Variants in CEMIP2 observed in about 807,000 individuals in gnomAD.
CEMIP2 encodes cell migration inducing hyaluronidase 2.
Under a neutral mutation model 146.9 loss-of-function variants are expected in CEMIP2, and 79 were observed. The ratio of observed to expected loss-of-function variants is 0.54; its 90% CI spans 0.45 to 0.65. CEMIP2 has a LOEUF of 0.65. Among genes scored for constraint, CEMIP2 ranks in the 30% least tolerant of loss-of-function variants. The pLI is 0.00. For missense variants in CEMIP2, 1,596 were observed against 1,696.2 expected (o/e 0.94, Z 1.04); for synonymous variants, 601 against 606.3 (o/e 0.99, Z 0.13).
chr9:71,704,337 T>C, intron 18 of CEMIP2: 1 of 487,046 alleles, frequency 2.1e-6, no homozygotes, highest in Non-Finnish European at 3.7e-6. Context: ...CATTCAGCAG[T>C]ATTAAAACCT....
chr9:71,732,861 C>T (rs1266157676), intron 6 of CEMIP2, among the ~76,000 whole-genome samples: 1 of 151,866 alleles, frequency 6.6e-6, no homozygotes, highest in African/African-American at 2.4e-5. Context: ...TCATCTAGTC[C>T]AGCCCCCACC....
In CEMIP2 at chr9:71,709,493, A is replaced by T. The variant is rs1309358474; in HGVS notation, c.2770-19T>A. On this transcript the variant is annotated intron_variant, in intron 16 of 23. Coordinates refer to ENST00000377044, the MANE Select transcript of CEMIP2 (RefSeq NM_013390.3). Reference sequence around the variant, plus strand: ...GAGAGACCTGACCACAGTGAAAAAGAAAGACATCACAAAGTGAGGGCTCCT... The same window carrying T: ...GAGAGACCTGACCACAGTGAAAAAGTAAGACATCACAAAGTGAGGGCTCCT... The T allele has an allele frequency of 6.2e-7, 1 of 1,610,154 alleles. No homozygotes were observed. The highest frequency in any genetic ancestry group is 8.5e-7 in the Non-Finnish European group (1 of 1,176,710).
Position 71,750,404 on chromosome 9 carries a change from A to G in CEMIP2, c.-12-19T>C. ...ACTGTTACTGTGAAAAGAAAAAAAA[A>G]TTAAGCTTCAGTATGTGTAAATTCT... On this transcript the variant is annotated intron_variant, in intron 1 of 23. Coordinates refer to ENST00000377044, the MANE Select transcript of CEMIP2 (RefSeq NM_013390.3). 1.3e-6 allele frequency: 2 copies of G among 1,505,420 alleles called. No homozygotes were observed. The highest frequency in any genetic ancestry group is 1.8e-6 in the Non-Finnish European group (2 of 1,118,740). 93.3% of individuals were successfully genotyped at this position (1,505,420 alleles called of 1,614,324 possible).
chr9:71,711,389 CT>C (rs5898224), intron 16 of CEMIP2, among the ~76,000 whole-genome samples: 3,520 of 137,498 alleles, frequency 0.026, 134 homozygotes, highest in African/African-American at 0.084. Context: ...GAGGCCCTTT[CT>C]CTATTAAAAA....
chr9:71,723,793 G>C (rs1823309861), intron 11 of CEMIP2, among the ~76,000 whole-genome samples: 1 of 152,074 alleles, frequency 6.6e-6, no homozygotes, highest in Admixed American at 6.6e-5. Context: ...ACACATGTGG[G>C]TGTGTGCCTG....
At chr9:71,704,840 G>A in intron 17 of CEMIP2, 37 bp from the exon 18 acceptor site, 1 of 1,595,618 alleles carries the variant, frequency 6.3e-7, no homozygotes, top group African/African-American at 1.3e-5. Flanking sequence ...GGAAGAGAAT[G>A]AAAATTTAAA....
At chr9:71,744,500 C>G (rs1232309608) in intron 4 of CEMIP2, among the ~76,000 whole-genome samples, 1 of 152,148 alleles carries the variant, frequency 6.6e-6, no homozygotes, top group Non-Finnish European at 1.5e-5. Flanking sequence ...GTCCATAGAC[C>G]TGTGCCAATC....
chr9:71,753,617 T>C (rs1824324599), intron 1 of CEMIP2, among the ~76,000 whole-genome samples: 1 of 152,174 alleles, frequency 6.6e-6, no homozygotes, highest in Admixed American at 6.5e-5. Context: ...AGAGGTAATA[T>C]AGTGTTGCAC....
chr9:71,759,403 A>G (rs769751529), intron 1 of CEMIP2, among the ~76,000 whole-genome samples: 64 of 152,330 alleles, frequency 4.2e-4, no homozygotes, highest in Non-Finnish European at 7.6e-4. Flanking sequence ...GGCTCCCTGA[A>G]AGTTCACTAA....
At chr9:71,722,539 G>A in intron 11 of CEMIP2, 24 bp from the exon 12 acceptor site, 1 of 1,544,304 alleles carries the variant, frequency 6.5e-7, no homozygotes, top group Middle Eastern at 1.7e-4. Context: ...ATAATGGACT[G>A]GAATGAATAT....
rs79306634 is a variant in CEMIP2, at chr9:71,755,081, C to T, written c.-12-4696G>A. Among the ~76,000 whole-genome samples, 372 of 151,224 alleles carry T rather than the reference C, an allele frequency of 2.5e-3. 1 individual carries two copies. The highest frequency in any genetic ancestry group is 8.0e-3 in the African/African-American group (328 of 41,156). ...CAAAAGCAGTTCAAAGTGAGAGAGA[C>T]TTGTATAATTGGTAAGAGCATCCAC... On this transcript the variant is annotated intron_variant, in intron 1 of 23. Coordinates refer to ENST00000377044, the MANE Select transcript of CEMIP2 (RefSeq NM_013390.3).
At chr9:71,689,357 T>C (rs1432050187) in intron 22 of CEMIP2, among the ~76,000 whole-genome samples, 1 of 152,220 alleles carries the variant, frequency 6.6e-6, no homozygotes, top group Non-Finnish European at 1.5e-5. Context: ...TTCCATTAAA[T>C]GAAAGCGGGT....
intron 18 of CEMIP2, among the ~76,000 whole-genome samples, chr9:71,703,271 G>A (rs1822628219): frequency 1.3e-5 from 2 of 152,176 alleles, no homozygotes; most frequent in South Asian, 2.1e-4. Flanking sequence ...GAGTGATGAG[G>A]GAAAAGGAAG....
At position 71,690,075 on chromosome 9, in the gene CEMIP2, G is replaced by A. The variant is rs778381477; in HGVS notation, c.3851+17C>T. 6.2e-7 allele frequency: 1 copy of A among 1,611,914 alleles called. No homozygotes were observed. Among genetic ancestry groups the A allele is most frequent in the South Asian group, 1.1e-5 (1 of 90,944 alleles). On this transcript the variant is annotated intron_variant, in intron 22 of 23. Transcript: ENST00000377044. ...TTTAAGGTGGCTTTTCCCTGTTACA[G>A]CACAAGCTTGACCTACCTTGGAGGG...
chr9:71,709,262 T>G lies in CEMIP2; in HGVS notation c.2982A>C (p.Ala994=), dbSNP rs191621818. Residue 994 remains alanine, a synonymous_variant, in exon 17 of 24, where the codon GCA becomes GCC. Coordinates refer to ENST00000377044, the MANE Select transcript of CEMIP2 (RefSeq NM_013390.3). Reference sequence around the variant, plus strand: ...ATTATACATTTGCTAAGCCTACCTGTGCATAGGTCCCACTGCAGATCACTG... The same window carrying G: ...ATTATACATTTGCTAAGCCTACCTGGGCATAGGTCCCACTGCAGATCACTG... ...WNAVICSGTY[A]QVYVQTWSTQ... The G allele has an allele frequency of 4.0e-5, 64 of 1,614,182 alleles. No individual in the cohort carries two copies. In the East Asian group the frequency reaches 1.4e-3, roughly 35 times the overall value.
At position 71,709,146 on chromosome 9, in the gene CEMIP2, G is replaced by A. The variant is rs1011304640; in HGVS notation, c.2985+113C>T. The A allele has an allele frequency of 7.4e-6, 7 of 950,658 alleles. No homozygotes were observed. The African/African-American group carries it at 8.0e-5, about 11-fold the overall frequency. The allele number at this position is 950,658 out of a possible 1,614,324, so 58.9% of individuals were successfully genotyped here. A position where few individuals can be genotyped will look rare whatever the true frequency, so the allele number is the denominator to read the frequency against. On this transcript the variant is annotated intron_variant, in intron 17 of 23. Transcript: ENST00000377044. ...AAGGACAGGACAGGACAGGAAGATA[G>A]ATCATACTTTGGAAAATGTCAATCA... is the stretch of plus-strand genomic sequence containing the variant.
rs557671507 is a variant in CEMIP2 at position 71,718,014 on chromosome 9, A to G, written c.2333T>C (p.Ile778Thr). The G allele has an allele frequency of 1.2e-6, 2 of 1,613,422 alleles. No individual in the cohort carries two copies. Among genetic ancestry groups the G allele is most frequent in the Admixed American group, 1.7e-5 (1 of 59,976 alleles). Residue 778 changes from isoleucine to threonine, a missense_variant, in exon 13 of 24, where the codon ATT becomes ACT. Transcript: ENST00000377044. ...TCCATTATCATTATTTTTAAAAGCA[A>G]TGAGCCTGTCAATTAGAGCAGCAAC... Reference protein sequence around the residue: ...PRVAALIDRLIAFKNNDNGAW... With the variant: ...PRVAALIDRLTAFKNNDNGAW...
In CEMIP2 at chr9:71,728,300, T is replaced by TC. The variant is rs1564012705; in HGVS notation, c.2049+1544_2049+1545insG. 3.5e-4 allele frequency among the ~76,000 whole-genome samples: 13 copies of TC among 37,480 alleles called. 1 individual carries two copies. Among genetic ancestry groups the TC allele is most frequent in the African/African-American group, 1.4e-3 (13 of 9,152 alleles). 24.6% of individuals were successfully genotyped at this position (37,480 alleles called of 152,430 possible). A position where few individuals can be genotyped will look rare whatever the true frequency, so the allele number is the denominator to read the frequency against. On this transcript the variant is annotated intron_variant, in intron 10 of 23. Coordinates refer to ENST00000377044, the MANE Select transcript of CEMIP2 (RefSeq NM_013390.3). ...ATATATGTATATATATATATATATA[T>TC]ACATATATATATATATACGTATATA...
At chr9:71,693,934 T>A (rs1467702997) in intron 21 of CEMIP2, among the ~76,000 whole-genome samples, 1 of 152,160 alleles carries the variant, frequency 6.6e-6, no homozygotes, top group Non-Finnish European at 1.5e-5. Context: ...ATCAGTGCTG[T>A]TATAAAAGAA....
Sources: allele counts gnomAD v4.1 joint callset (sites outside exome capture counted in the v4.1 genomes callset), GRCh38; gene constraint gnomAD v4.1.1; transcripts MANE v1.5; gene names NCBI Gene and HGNC (gene_info 2026-07-23, HGNC 2026-07-21).